PAK5: variants seen among roughly 807,000 people sequenced by gnomAD.
PAK5 encodes serine/threonine-protein kinase PAK 5.
PAK5 carries 16 observed loss-of-function variants against 65.9 expected under a neutral mutation model. The ratio of observed to expected loss-of-function variants is 0.24; its 90% CI spans 0.16 to 0.37. The LOEUF (loss-of-function observed/expected upper bound fraction) is 0.37. Ranked by LOEUF, PAK5 falls within the 10% of genes least tolerant of loss-of-function variation. PAK5 has a pLI of 1.00. For missense variants in PAK5, 785 were observed against 903.9 expected (o/e 0.87, Z 1.69); for synonymous variants, 371 against 354.9 (o/e 1.05, Z -0.51).
At chr20:9,601,213 A>G (rs1309631615) in intron 3 of PAK5, among the ~76,000 whole-genome samples, 1 of 152,188 alleles carries the variant, frequency 6.6e-6, no homozygotes, top group Non-Finnish European at 1.5e-5. Flanking sequence ...CTGCAAAGAT[A>G]TTCACATTGC....
At chr20:9,750,746 G>T (rs2048566361) in intron 1 of PAK5, among the ~76,000 whole-genome samples, 1 of 152,074 alleles carries the variant, frequency 6.6e-6, no homozygotes, top group Non-Finnish European at 1.5e-5. Context: ...TGCCCAATGA[G>T]GATACATATG....
At chr20:9,775,569 A>G (rs1192036238) in intron 1 of PAK5, among the ~76,000 whole-genome samples, 1 of 152,164 alleles carries the variant, frequency 6.6e-6, no homozygotes, top group Non-Finnish European at 1.5e-5. Flanking sequence ...TTGTGGGTAC[A>G]CAGTAGGTAT....
At chr20:9,646,770 C>T (rs1464669507) in intron 2 of PAK5, among the ~76,000 whole-genome samples, 2 of 152,148 alleles carry the variant, frequency 1.3e-5, no homozygotes, top group African/African-American at 4.8e-5. Context: ...CTCTTGCTGT[C>T]CTTAGAAACA....
chr20:9,784,838 G>T (rs2048976326), intron 1 of PAK5, among the ~76,000 whole-genome samples: 1 of 151,956 alleles, frequency 6.6e-6, no homozygotes, highest in Non-Finnish European at 1.5e-5. Context: ...TAGCCACACT[G>T]TTGCTTTGAA....
chr20:9,725,876 A>C (rs1016839062), intron 1 of PAK5, among the ~76,000 whole-genome samples: 4 of 152,202 alleles, frequency 2.6e-5, no homozygotes, highest in African/African-American at 9.7e-5. Flanking sequence ...TGCTAAAAAA[A>C]GTATGTGCCA....
intron 2 of PAK5, among the ~76,000 whole-genome samples, chr20:9,706,979 T>C (rs2048016231): frequency 1.3e-5 from 2 of 152,180 alleles, no homozygotes; most frequent in Non-Finnish European, 2.9e-5. Context: ...TTTTATTTTC[T>C]TGAATTCTGG....
chr20:9,787,987 G>GT (rs923230900), intron 1 of PAK5, among the ~76,000 whole-genome samples: 1 of 151,384 alleles, frequency 6.6e-6, no homozygotes, highest in Non-Finnish European at 1.5e-5. Context: ...GTGTGTTGGG[G>GT]GGGGTATGTG....
intron 2 of PAK5, among the ~76,000 whole-genome samples, chr20:9,671,729 A>G (rs985159914): frequency 7.3e-5 from 11 of 150,126 alleles, no homozygotes; most frequent in Admixed American, 7.3e-4. Flanking sequence ...AACAGGGACA[A>G]TTTGACTTCC....
At chr20:9,802,248 C>T (rs1233355511) in intron 1 of PAK5, among the ~76,000 whole-genome samples, 3 of 152,060 alleles carry the variant, frequency 2.0e-5, no homozygotes, top group African/African-American at 7.2e-5. Flanking sequence ...AGGCAAAGGG[C>T]ATATGGCTTA....
intron 3 of PAK5, among the ~76,000 whole-genome samples, chr20:9,605,662 C>G (rs1357429069): frequency 2.0e-5 from 3 of 152,198 alleles, no homozygotes; most frequent in African/African-American, 7.2e-5. Context: ...GGCAAGGTGA[C>G]TCATGCCTTT....
chr20:9,631,645 C>T (rs960195048), intron 3 of PAK5, among the ~76,000 whole-genome samples: 4 of 152,136 alleles, frequency 2.6e-5, no homozygotes, highest in Non-Finnish European at 5.9e-5. Context: ...ACTCTGAACT[C>T]AGAGAAACTG....
At chr20:9,802,058 G>A (rs749144019) in intron 1 of PAK5, among the ~76,000 whole-genome samples, 1 of 152,174 alleles carries the variant, frequency 6.6e-6, no homozygotes, top group Non-Finnish European at 1.5e-5. Flanking sequence ...TCTTAGGACA[G>A]TCAGTCTGGG....
intron 2 of PAK5, among the ~76,000 whole-genome samples, chr20:9,653,162 T>A (rs2047222775): frequency 1.3e-5 from 2 of 152,206 alleles, no homozygotes; most frequent in African/African-American, 4.8e-5. Flanking sequence ...TTTATTCATT[T>A]CCACATTGGC....
At chr20:9,633,887 A>G (rs1475532077) in intron 3 of PAK5, among the ~76,000 whole-genome samples, 1 of 152,212 alleles carries the variant, frequency 6.6e-6, no homozygotes, top group Non-Finnish European at 1.5e-5. Flanking sequence ...AATATAACCT[A>G]TAACTGACAA....
At chr20:9,772,276 C>A (rs931513787) in intron 1 of PAK5, among the ~76,000 whole-genome samples, 3 of 152,110 alleles carry the variant, frequency 2.0e-5, no homozygotes, top group Non-Finnish European at 2.9e-5. Context: ...ATAAGATGAG[C>A]TGGGGGAGGT....
intron 7 of PAK5, among the ~76,000 whole-genome samples, chr20:9,549,466 G>A (rs924068910): frequency 6.6e-6 from 1 of 152,150 alleles, no homozygotes; most frequent in African/African-American, 2.4e-5. Flanking sequence ...TTGGGAAGGG[G>A]CTGGAGTGAT....
At chr20:9,596,158 T>C (rs2046259907) in intron 3 of PAK5, among the ~76,000 whole-genome samples, 1 of 152,224 alleles carries the variant, frequency 6.6e-6, no homozygotes, top group Non-Finnish European at 1.5e-5. Context: ...TCCTCCCTTA[T>C]GAAAATGTAT....
intron 3 of PAK5, among the ~76,000 whole-genome samples, chr20:9,616,100 G>A (rs901805723): frequency 6.6e-6 from 1 of 152,214 alleles, no homozygotes; most frequent in African/African-American, 2.4e-5. Context: ...TGGGAAGCAT[G>A]TCAAAGACAC....
chr20:9,592,325 A>G (rs548216211), intron 3 of PAK5, among the ~76,000 whole-genome samples: 21 of 152,308 alleles, frequency 1.4e-4, no homozygotes, highest in Admixed American at 7.8e-4. Flanking sequence ...AAACAAGCAC[A>G]TGTACCTTAG....
Sources: allele counts gnomAD v4.1 joint callset (sites outside exome capture counted in the v4.1 genomes callset), GRCh38; gene constraint gnomAD v4.1.1; transcripts MANE v1.5; gene names NCBI Gene and HGNC (gene_info 2026-07-23, HGNC 2026-07-21).